ERBB4: variants seen among roughly 807,000 people sequenced by gnomAD.
ERBB4 encodes receptor tyrosine-protein kinase erbB-4.
In ERBB4, 42 loss-of-function variants were observed where a neutral mutation model predicts 158.0. The observed-to-expected ratio is 0.27, with a 90% confidence interval of 0.21 to 0.34. ERBB4 has a LOEUF of 0.34. ERBB4 is among the 10% of genes least tolerant of loss of function. The pLI, the probability that ERBB4 is intolerant of heterozygous loss-of-function variation, is 1.00. For synonymous variants in ERBB4, 583 were observed against 558.7 expected (o/e 1.04, Z -0.61); for missense variants, 1,333 against 1,624.1 (o/e 0.82, Z 3.08).
intron 3 of ERBB4, among the ~76,000 whole-genome samples, chr2:211,856,950 C>T (rs2077881798): frequency 1.3e-5 from 2 of 152,110 alleles, no homozygotes; most frequent in East Asian, 3.9e-4. Context: ...CTCAGATTTA[C>T]TATCTCGAAT....
chr2:211,836,742 T>C (rs2077352152), intron 3 of ERBB4, among the ~76,000 whole-genome samples: 1 of 152,084 alleles, frequency 6.6e-6, no homozygotes, highest in South Asian at 2.1e-4. Context: ...CTGTGTTAAT[T>C]AACTCTTTTC....
chr2:212,060,377 T>A (rs2077721570), intron 2 of ERBB4, among the ~76,000 whole-genome samples: 1 of 151,522 alleles, frequency 6.6e-6, no homozygotes, highest in Admixed American at 6.6e-5. Context: ...GTAAACTAGT[T>A]CAACCATTGT....
chr2:212,147,605 C>T (rs1327434390), intron 1 of ERBB4, among the ~76,000 whole-genome samples: 1 of 152,046 alleles, frequency 6.6e-6, no homozygotes, highest in Non-Finnish European at 1.5e-5. Context: ...CTAAAAATCT[C>T]TGTAAACATA....
At chr2:212,239,790 T>C (rs2084014470) in intron 1 of ERBB4, among the ~76,000 whole-genome samples, 1 of 152,182 alleles carries the variant, frequency 6.6e-6, no homozygotes, top group African/African-American at 2.4e-5. Flanking sequence ...TATGCTAATA[T>C]ATAAAAACAA....
intron 2 of ERBB4, among the ~76,000 whole-genome samples, chr2:211,991,321 C>A (rs2082069555): frequency 1.3e-5 from 2 of 151,892 alleles, no homozygotes; most frequent in African/African-American, 4.8e-5. Flanking sequence ...AATTACAAAC[C>A]AATTACCTGT....
At chr2:211,845,086 T>C (rs910989797) in intron 3 of ERBB4, among the ~76,000 whole-genome samples, 2 of 152,108 alleles carry the variant, frequency 1.3e-5, no homozygotes, top group African/African-American at 4.8e-5. Context: ...GAGAGTGGGC[T>C]CTGTTTTTGT....
intron 2 of ERBB4, among the ~76,000 whole-genome samples, chr2:212,034,777 C>A (rs1200321449): frequency 6.6e-6 from 1 of 152,006 alleles, no homozygotes; most frequent in African/African-American, 2.4e-5. Context: ...CATTTAGAAA[C>A]GTAAATGACT....
chr2:211,660,754 C>T (rs2071396273), intron 15 of ERBB4, among the ~76,000 whole-genome samples: 1 of 152,090 alleles, frequency 6.6e-6, no homozygotes, highest in Admixed American at 6.5e-5. Flanking sequence ...GTAAGAAAAG[C>T]AGAGGCTGAA....
chr2:212,410,509 G>A (rs933021864), intron 1 of ERBB4, among the ~76,000 whole-genome samples: 21 of 151,820 alleles, frequency 1.4e-4, no homozygotes, highest in African/African-American at 5.1e-4. Flanking sequence ...AATCCTGAAC[G>A]GCATTAAATA....
intron 3 of ERBB4, among the ~76,000 whole-genome samples, chr2:211,889,223 T>G (rs2078896227): frequency 6.9e-6 from 1 of 144,822 alleles, no homozygotes; most frequent in Admixed American, 6.7e-5. Flanking sequence ...GACTGCCTCC[T>G]CAAGTGGGTC....
chr2:211,408,576 C>T (rs146253313), intron 25 of ERBB4, among the ~76,000 whole-genome samples: 2,297 of 152,278 alleles, frequency 0.015, 53 homozygotes, highest in African/African-American at 0.052. Flanking sequence ...TTCTAAGACA[C>T]GCATTGTCTT....
intron 1 of ERBB4, among the ~76,000 whole-genome samples, chr2:212,399,701 C>A (rs1459477957): frequency 1.8e-5 from 1 of 54,622 alleles, no homozygotes; most frequent in Non-Finnish European, 3.7e-5. Context: ...CCCGTCTCTA[C>A]TAAAAATACA....
rs1177456761 is a variant in ERBB4 at position 212,150,957 on chromosome 2, T to A, written c.83-26054A>T. On this transcript the variant is annotated intron_variant, in intron 1 of 27. Transcript: ENST00000342788. The stretch of plus-strand genomic sequence containing the variant: ...AACATAATGACAGTAATACTGGCCA[T>A]AACCCTAACCTTCTCCAACAGAAAT... Among the ~76,000 whole-genome samples, 5 of 152,252 alleles carry A rather than the reference T, an allele frequency of 3.3e-5. No individual in the cohort carries two copies. In the East Asian group the frequency reaches 9.6e-4, roughly 29 times the overall value.
At chr2:212,170,881 C>T (rs1170667297) in intron 1 of ERBB4, among the ~76,000 whole-genome samples, 2 of 152,102 alleles carry the variant, frequency 1.3e-5, no homozygotes, top group African/African-American at 4.8e-5. Flanking sequence ...TCTGCTAGGG[C>T]AGTGTGAAAG....
chr2:211,415,853 A>C (rs1006585679), intron 25 of ERBB4, among the ~76,000 whole-genome samples: 1 of 152,178 alleles, frequency 6.6e-6, no homozygotes, highest in African/African-American at 2.4e-5. Flanking sequence ...TTATATATCT[A>C]TTCTGGGAGA....
chr2:211,624,088 C>T lies in ERBB4; in HGVS notation c.2080-44G>A, dbSNP rs781375949. The T allele has an allele frequency of 1.7e-5, 28 of 1,612,238 alleles. No individual in the cohort carries two copies. The East Asian group carries it at 6.0e-4, about 35-fold the overall frequency. ...AAGGTTATACTTTCAGTCCGATAGT[C>T]AGTCCTCTCTCTCTGTCTCTCTCTC... On this transcript the variant is annotated intron_variant, in intron 17 of 27. Coordinates refer to ENST00000342788, the MANE Select transcript of ERBB4 (RefSeq NM_005235.3).
chr2:212,091,356 CT>C (rs2078769354), intron 2 of ERBB4, among the ~76,000 whole-genome samples: 1 of 152,076 alleles, frequency 6.6e-6, no homozygotes, highest in African/African-American at 2.4e-5. Flanking sequence ...AGCTCTTATT[CT>C]ACCAGGCAGG....
chr2:211,746,557 A>T (rs2074978136), intron 5 of ERBB4, among the ~76,000 whole-genome samples: 1 of 151,854 alleles, frequency 6.6e-6, no homozygotes, highest in Non-Finnish European at 1.5e-5. Context: ...GGCTGGGTGC[A>T]CTGGCTCACA....
Position 211,417,240 on chromosome 2 carries a change from C to T in ERBB4, c.3135+3201G>A, listed in dbSNP as rs144732092. ...GTAATCTCAGCACTTTGGGAGGCCA[C>T]GGTGGGTGGATTGCTTGAGCTCTGG... On this transcript the variant is annotated intron_variant, in intron 25 of 27. Coordinates refer to ENST00000342788, the MANE Select transcript of ERBB4 (RefSeq NM_005235.3). Among the ~76,000 whole-genome samples, 564 of 152,044 alleles carry T rather than the reference C, an allele frequency of 3.7e-3. 5 individuals are homozygous for T. Among genetic ancestry groups the T allele is most frequent in the African/African-American group, 0.013 (542 of 41,466 alleles).
Sources: gnomAD v4.1 joint callset for allele counts (sites outside exome capture counted in the v4.1 genomes callset) on GRCh38, gnomAD v4.1.1 for gene constraint, MANE v1.5 for transcripts, NCBI Gene and HGNC (gene_info 2026-07-23, HGNC 2026-07-21) for gene names.